Variants in COP1 observed in about 807,000 individuals in gnomAD.
COP1 encodes the protein E3 ubiquitin-protein ligase COP1.
A neutral mutation model predicts 101.3 loss-of-function variants in COP1; 24 were observed. That is an observed-to-expected ratio of 0.24 (90% CI 0.17 to 0.33). The LOEUF (loss-of-function observed/expected upper bound fraction) is 0.33. Among genes scored for constraint, COP1 ranks in the 10% least tolerant of loss-of-function variants. The pLI is 1.00. For missense variants in COP1, 663 were observed against 906.2 expected (o/e 0.73, Z 3.45); for synonymous variants, 347 against 341.9 (o/e 1.01, Z -0.17).
intron 10 of COP1, among the ~76,000 whole-genome samples, chr1:176,085,238 C>T (rs1259507476): frequency 6.6e-6 from 1 of 151,982 alleles, no homozygotes; most frequent in African/African-American, 2.4e-5. Flanking sequence ...TTACACCTCC[C>T]CATTTTCAAT....
chr1:175,944,917 C>A lies in COP1; in HGVS notation c.*236G>T. 2.3e-6 allele frequency: 1 copy of A among 433,686 alleles called. No homozygotes were observed. 26.9% of individuals were successfully genotyped at this position (433,686 alleles called of 1,614,324 possible). A position where few individuals can be genotyped will look rare whatever the true frequency, so the allele number is the denominator to read the frequency against. ...TATCACAAAAATTAGATAACACCAC[C>A]AAGAGCAGCAATGTCCATGGAGTTA... On this transcript the variant is annotated 3_prime_UTR_variant, in exon 20 of 20. Coordinates refer to ENST00000367669, the MANE Select transcript of COP1 (RefSeq NM_022457.7).
At chr1:176,191,445 A>C (rs927280662) in intron 1 of COP1, among the ~76,000 whole-genome samples, 15 of 152,104 alleles carry the variant, frequency 9.9e-5, no homozygotes, top group Non-Finnish European at 8.8e-5. Flanking sequence ...TTCCTTCTTC[A>C]CAAAATTTTC....
At chr1:175,978,554 C>T (rs1027247849) in intron 18 of COP1, among the ~76,000 whole-genome samples, 3 of 152,128 alleles carry the variant, frequency 2.0e-5, no homozygotes, top group Admixed American at 6.5e-5. Context: ...CCCCACCCCA[C>T]TCTATTCTGG....
At chr1:176,141,310 G>A (rs183907242) in intron 6 of COP1, among the ~76,000 whole-genome samples, 1 of 152,214 alleles carries the variant, frequency 6.6e-6, no homozygotes, top group African/African-American at 2.4e-5. Context: ...AGACCAGTTT[G>A]GCCAATAAGG....
At chr1:176,048,632 C>A (rs896552331) in intron 11 of COP1, among the ~76,000 whole-genome samples, 1 of 152,102 alleles carries the variant, frequency 6.6e-6, no homozygotes, top group Non-Finnish European at 1.5e-5. Context: ...GAACTGAAAT[C>A]CTGTTTTTAA....
chr1:176,020,475 T>C (rs750049495), intron 15 of COP1, among the ~76,000 whole-genome samples: 1 of 152,034 alleles, frequency 6.6e-6, no homozygotes, highest in Non-Finnish European at 1.5e-5. Context: ...GGTCAGAAGT[T>C]CGAGTCCAGC....
At chr1:176,065,794 A>AC (rs1385185896) in intron 11 of COP1, among the ~76,000 whole-genome samples, 1 of 139,380 alleles carries the variant, frequency 7.2e-6, no homozygotes, top group Non-Finnish European at 1.5e-5. Flanking sequence ...TGCAACCTCC[A>AC]CCCCCTGGGT....
intron 11 of COP1, among the ~76,000 whole-genome samples, chr1:176,077,526 C>T (rs866687560): frequency 1.3e-5 from 2 of 152,244 alleles, no homozygotes; most frequent in African/African-American, 4.8e-5. Context: ...TCATCTATGA[C>T]AAACCCACAG....
intron 8 of COP1, among the ~76,000 whole-genome samples, chr1:176,124,170 G>C (rs944075984): frequency 6.6e-6 from 1 of 152,018 alleles, no homozygotes; most frequent in Non-Finnish European, 1.5e-5. Flanking sequence ...TGAGGTACAA[G>C]AGATATTTTG....
chr1:175,993,735 G>T (rs2148792987), intron 15 of COP1, among the ~76,000 whole-genome samples: 1 of 152,324 alleles, frequency 6.6e-6, no homozygotes, highest in East Asian at 1.9e-4. Context: ...CAAGAAATAT[G>T]CGACTATGTG....
At chr1:176,058,239 G>A (rs1674137438) in intron 11 of COP1, among the ~76,000 whole-genome samples, 2 of 151,566 alleles carry the variant, frequency 1.3e-5, no homozygotes, top group South Asian at 4.2e-4. Context: ...GAGCCCCTCT[G>A]CCCGGCCACC....
chr1:176,100,851 C>T (rs1376754157), intron 9 of COP1, among the ~76,000 whole-genome samples: 1 of 152,038 alleles, frequency 6.6e-6, no homozygotes, highest in Non-Finnish European at 1.5e-5. Context: ...AAAAGGAGTC[C>T]GTGCAACACC....
In COP1 at chr1:176,173,873, A is replaced by T. The variant is rs920860009; in HGVS notation, c.565+2037T>A. On this transcript the variant is annotated intron_variant, in intron 3 of 19. Transcript: ENST00000367669. ...TACAGTGGCGCACGTCTGTGATTCCAGCAACCAGAGAGACTGCGGCAGGAG... is the reference window on the plus strand; with the variant it reads ...TACAGTGGCGCACGTCTGTGATTCCTGCAACCAGAGAGACTGCGGCAGGAG... Among the ~76,000 whole-genome samples, 4 of 150,476 alleles carry T rather than the reference A, an allele frequency of 2.7e-5. No individual in the cohort carries two copies. The Admixed American group carries it at 2.7e-4, about 10-fold the overall frequency.
At chr1:176,139,971 GA>G (rs1460588708) in intron 6 of COP1, among the ~76,000 whole-genome samples, 2 of 152,082 alleles carry the variant, frequency 1.3e-5, no homozygotes. Context: ...TATTTAAAAA[GA>G]AAGTAAATAT....
Position 175,957,063 on chromosome 1 carries a change from AAG to A in COP1, c.2134-9826_2134-9825del, listed in dbSNP as rs1159042291. On this transcript the variant is annotated intron_variant, in intron 18 of 19. Coordinates refer to ENST00000367669, the MANE Select transcript of COP1 (RefSeq NM_022457.7). ...TGTTTTAAGCTAAAAGTTATTACAA[AAG>A]AGTCAAAAAGTGAAAAAAATTAAAA... is the stretch of plus-strand genomic sequence containing the variant. Among the ~76,000 whole-genome samples, 4 of 149,890 alleles carry A rather than the reference AAG, an allele frequency of 2.7e-5. 1 individual carries two copies. The East Asian group carries it at 5.8e-4, about 22-fold the overall frequency.
At chr1:175,961,885 C>CGTGT (rs1651414005) in intron 18 of COP1, among the ~76,000 whole-genome samples, 1 of 148,480 alleles carries the variant, frequency 6.7e-6, no homozygotes, top group African/African-American at 2.5e-5. Context: ...CAAAGGGACA[C>CGTGT]GGTCATGCAC....
chr1:176,177,350 A>T (rs910488919), intron 2 of COP1, among the ~76,000 whole-genome samples: 6 of 138,038 alleles, frequency 4.3e-5, no homozygotes, highest in East Asian at 4.0e-4. Context: ...AAAAAATATT[A>T]AAAAAAAAAA....
intron 1 of COP1, among the ~76,000 whole-genome samples, chr1:176,191,342 G>C (rs1374175049): frequency 6.6e-6 from 1 of 151,852 alleles, no homozygotes; most frequent in Non-Finnish European, 1.5e-5. Flanking sequence ...TCAGCACATA[G>C]AAGACCTTGG....
intron 15 of COP1, among the ~76,000 whole-genome samples, chr1:176,026,416 C>T (rs1005776961): frequency 7.2e-5 from 11 of 151,992 alleles, no homozygotes; most frequent in African/African-American, 2.7e-4. Flanking sequence ...CAGCCCCAAA[C>T]AGCTCTACCT....
Sources: gnomAD v4.1 joint callset for allele counts (sites outside exome capture counted in the v4.1 genomes callset) on GRCh38, gnomAD v4.1.1 for gene constraint, MANE v1.5 for transcripts, NCBI Gene and HGNC (gene_info 2026-07-23, HGNC 2026-07-21) for gene names.